Variants in FAM222B observed in about 807,000 individuals in gnomAD.
FAM222B encodes protein FAM222B.
In FAM222B, 12 loss-of-function variants were observed where a neutral mutation model predicts 38.0. That is an observed-to-expected ratio of 0.32 (90% CI 0.20 to 0.51). FAM222B has a LOEUF of 0.51. Among genes scored for constraint, FAM222B ranks in the 20% least tolerant of loss-of-function variants. The probability of loss-of-function intolerance (pLI) is 0.97; values close to 1 mark genes in which losing one functional copy is unlikely to be tolerated. For missense variants in FAM222B, 716 were observed against 754.2 expected, an observed-to-expected ratio of 0.95 and a Z score of 0.59; for synonymous variants, 329 against 317.2, an observed-to-expected ratio of 1.04 and a Z score of -0.40.
At chr17:28,824,831 A>G (rs2152594222) in intron 1 of FAM222B, among the ~76,000 whole-genome samples, 1 of 152,194 alleles carries the variant, frequency 6.6e-6, no homozygotes, top group Non-Finnish European at 1.5e-5. Context: ...CTGGATTGCA[A>G]TGGCATGATC....
intron 1 of FAM222B, among the ~76,000 whole-genome samples, chr17:28,783,901 C>T (rs534934032): frequency 7.9e-5 from 12 of 152,052 alleles, no homozygotes; most frequent in East Asian, 7.7e-4. Context: ...TGGGTTCAAG[C>T]GATTCTCCTG....
Position 28,778,028 on chromosome 17 carries a change from T to A in FAM222B, c.-40-11321A>T, listed in dbSNP as rs553901282. ...TGGACTTTTTTTTTTTTTTTTTTTT[T>A]AAGCCTGGGCACTACTTCTGCACTG... On this transcript the variant is annotated intron_variant, in intron 1 of 2. Coordinates refer to ENST00000581407, the MANE Select transcript of FAM222B (RefSeq NM_001077498.3). Among the ~76,000 whole-genome samples, 345 of 150,986 alleles carry A rather than the reference T, an allele frequency of 2.3e-3. 2 individuals are homozygous for A. The highest frequency in any genetic ancestry group is 7.6e-3 in the African/African-American group (312 of 41,158).
chr17:28,776,782 G>A (rs1213659928), intron 1 of FAM222B, among the ~76,000 whole-genome samples: 1 of 151,956 alleles, frequency 6.6e-6, no homozygotes, highest in Non-Finnish European at 1.5e-5. Context: ...ATAATCAAGG[G>A]GAAAGTTTTA....
At chr17:28,780,537 T>G (rs1209998462) in intron 1 of FAM222B, among the ~76,000 whole-genome samples, 4 of 150,184 alleles carry the variant, frequency 2.7e-5, no homozygotes, top group Non-Finnish European at 5.9e-5. Flanking sequence ...AAAAAAGGCT[T>G]GGGAATAAAT....
At chr17:28,837,850 A>C (rs2038901927) in intron 1 of FAM222B, among the ~76,000 whole-genome samples, 1 of 151,964 alleles carries the variant, frequency 6.6e-6, no homozygotes, top group Non-Finnish European at 1.5e-5. Context: ...ACGGGGTTTC[A>C]CTTTGTTTGC....
chr17:28,824,939 AT>A (rs2038383678), intron 1 of FAM222B, among the ~76,000 whole-genome samples: 1 of 151,760 alleles, frequency 6.6e-6, no homozygotes, highest in Non-Finnish European at 1.5e-5. Flanking sequence ...CTAATTTTGT[AT>A]TTTTAGTAGA....
At chr17:28,820,143 G>T (rs1365581777) in intron 1 of FAM222B, among the ~76,000 whole-genome samples, 4 of 152,116 alleles carry the variant, frequency 2.6e-5, no homozygotes, top group African/African-American at 9.7e-5. Context: ...GAGGTGTCAG[G>T]GTAAAGTTCC....
At chr17:28,823,203 T>C (rs879062113) in intron 1 of FAM222B, among the ~76,000 whole-genome samples, 4 of 152,044 alleles carry the variant, frequency 2.6e-5, no homozygotes, top group Admixed American at 6.6e-5. Context: ...TCATCTTATT[T>C]TTCCCCCTCA....
At chr17:28,809,456 A>T (rs2037642779) in intron 1 of FAM222B, among the ~76,000 whole-genome samples, 1 of 152,318 alleles carries the variant, frequency 6.6e-6, no homozygotes, top group Middle Eastern at 3.4e-3. Flanking sequence ...CTCAACCAGC[A>T]CTATGCCCCC....
chr17:28,774,581 A>G (rs771630188), intron 1 of FAM222B, among the ~76,000 whole-genome samples: 69 of 152,166 alleles, frequency 4.5e-4, no homozygotes, highest in Admixed American at 6.5e-4. Flanking sequence ...GGAAAATTCA[A>G]AAGTGCTTTC....
chr17:28,788,518 C>T (rs889132947), intron 1 of FAM222B, among the ~76,000 whole-genome samples: 6 of 151,070 alleles, frequency 4.0e-5, no homozygotes, highest in Admixed American at 3.9e-4. Context: ...GGATTACAGG[C>T]ATGAGCCACC....
rs183808545 is a variant in FAM222B at position 28,764,801 on chromosome 17, C to T, written c.82+1785G>A. On this transcript the variant is annotated intron_variant, in intron 2 of 2. Coordinates refer to ENST00000581407, the MANE Select transcript of FAM222B (RefSeq NM_001077498.3). Reference sequence around the variant, plus strand: ...AATAAAAGTGAACACCAAGATAAAGCTGCCAATTTGCCCGTCCTCCAAATG... The same window carrying T: ...AATAAAAGTGAACACCAAGATAAAGTTGCCAATTTGCCCGTCCTCCAAATG... 4.6e-5 allele frequency among the ~76,000 whole-genome samples: 7 copies of T among 152,022 alleles called. No individual in the cohort carries two copies. In the East Asian group the frequency reaches 1.3e-3, roughly 29 times the overall value.
intron 2 of FAM222B, among the ~76,000 whole-genome samples, chr17:28,765,899 A>G (rs1453517738): frequency 1.3e-5 from 2 of 152,214 alleles, no homozygotes; most frequent in Non-Finnish European, 2.9e-5. Context: ...TAGCAAAGCC[A>G]AAGGGAACTG....
upstream of FAM222B, among the ~76,000 whole-genome samples, chr17:28,843,790 G>T (rs188669902): frequency 2.9e-4 from 44 of 152,096 alleles, no homozygotes; most frequent in East Asian, 7.5e-3. Flanking sequence ...AGAATGTATC[G>T]GGGGTAATTA....
chr17:28,853,941 CTTTTTTTTTT>C (rs34393247), intron 1 of FAM222B, among the ~76,000 whole-genome samples: 13 of 119,982 alleles, frequency 1.1e-4, no homozygotes, highest in African/African-American at 4.3e-4. Context: ...ATCTCTGTTT[CTTTTTTTTTT>C]TTTTTTTTTT....
chr17:28,794,478 CA>C (rs1356875911), intron 1 of FAM222B, among the ~76,000 whole-genome samples: 1 of 151,974 alleles, frequency 6.6e-6, no homozygotes, highest in Admixed American at 6.6e-5. Context: ...CCTCAGCCTC[CA>C]AAAGTGCTGG....
intron 1 of FAM222B, among the ~76,000 whole-genome samples, chr17:28,772,424 A>G (rs1004875638): frequency 1.3e-5 from 2 of 152,020 alleles, no homozygotes; most frequent in Admixed American, 1.3e-4. Flanking sequence ...TTTGGATTTC[A>G]ATAGAAAGAA....
chr17:28,799,232 C>A (rs2037096921), intron 1 of FAM222B, among the ~76,000 whole-genome samples: 2 of 151,578 alleles, frequency 1.3e-5, no homozygotes, highest in Non-Finnish European at 2.9e-5. Context: ...CTCGGCCTCC[C>A]AAAGTGCTGG....
chr17:28,832,050 C>A (rs559361607), intron 1 of FAM222B, among the ~76,000 whole-genome samples: 2 of 152,156 alleles, frequency 1.3e-5, no homozygotes, highest in Middle Eastern at 3.4e-3. Context: ...ATTAGCCAGG[C>A]GTGGTGGCAG....
Sources: allele counts gnomAD v4.1 joint callset (sites outside exome capture counted in the v4.1 genomes callset), GRCh38; gene constraint gnomAD v4.1.1; transcripts MANE v1.5; gene names NCBI Gene and HGNC (gene_info 2026-07-23, HGNC 2026-07-21).